The following CACHD1 variants were observed in gnomAD, a reference collection of about 807,000 sequenced individuals.
CACHD1 encodes VWFA and cache domain-containing protein 1.
In CACHD1, 71 loss-of-function variants were observed where a neutral mutation model predicts 138.7. The ratio of observed to expected loss-of-function variants is 0.51; its 90% CI spans 0.42 to 0.62. The LOEUF is 0.62. CACHD1 is among the 20% of genes least tolerant of loss of function. CACHD1 has a pLI of 0.00. For synonymous variants in CACHD1, 578 were observed against 591.5 expected (o/e 0.98, Z 0.33); for missense variants, 1,389 against 1,625.3 (o/e 0.85, Z 2.50).
chr1:64,491,947 T>G (rs1570301508), intron 1 of CACHD1, among the ~76,000 whole-genome samples: 1 of 125,608 alleles, frequency 8.0e-6, no homozygotes, highest in African/African-American at 3.1e-5. Flanking sequence ...TGTTTTTTGT[T>G]TTTTTTTTAT....
At chr1:64,653,022 A>G (rs1292762845) in intron 10 of CACHD1, among the ~76,000 whole-genome samples, 2 of 152,222 alleles carry the variant, frequency 1.3e-5, no homozygotes, top group African/African-American at 4.8e-5. Context: ...GACTGGATAA[A>G]GAAAATGTGG....
chr1:64,511,624 A>G (rs1172253722), intron 1 of CACHD1, among the ~76,000 whole-genome samples: 1 of 152,162 alleles, frequency 6.6e-6, no homozygotes, highest in Admixed American at 6.5e-5. Flanking sequence ...CGCTACAATG[A>G]TGGGGAGTGT....
At chr1:64,567,522 A>G (rs1188720623) in intron 2 of CACHD1, among the ~76,000 whole-genome samples, 1 of 152,026 alleles carries the variant, frequency 6.6e-6, no homozygotes, top group African/African-American at 2.4e-5. Context: ...TTGTGCCACA[A>G]CCCTCTGATA....
chr1:64,565,096 C>T (rs1646871199), intron 2 of CACHD1, among the ~76,000 whole-genome samples: 1 of 149,972 alleles, frequency 6.7e-6, no homozygotes, highest in African/African-American at 2.5e-5. Flanking sequence ...CCTGAGGGCT[C>T]TCATTTTGTT....
At chr1:64,532,040 A>G (rs1646591413) in intron 1 of CACHD1, among the ~76,000 whole-genome samples, 2 of 152,216 alleles carry the variant, frequency 1.3e-5, no homozygotes, top group Admixed American at 6.5e-5. Context: ...AATGATTGCA[A>G]TGCCTTTTGT....
intron 8 of CACHD1, among the ~76,000 whole-genome samples, chr1:64,643,840 TG>T (rs1036672224): frequency 6.6e-6 from 1 of 152,090 alleles, no homozygotes; most frequent in African/African-American, 2.4e-5. Context: ...TCCAAAAGAA[TG>T]GTCCTCAAAG....
At chr1:64,477,605 T>G (rs1646181507) in intron 1 of CACHD1, among the ~76,000 whole-genome samples, 1 of 145,664 alleles carries the variant, frequency 6.9e-6, no homozygotes, top group South Asian at 2.1e-4. Flanking sequence ...TTATTATTAT[T>G]ATTATTATTA....
chr1:64,633,405 G>T (rs371813933), intron 6 of CACHD1, among the ~76,000 whole-genome samples: 1 of 152,148 alleles, frequency 6.6e-6, no homozygotes. Flanking sequence ...CTCATGGTAA[G>T]GTTTCTAATT....
chr1:64,549,672 A>G (rs1646743901), intron 1 of CACHD1, among the ~76,000 whole-genome samples: 1 of 152,176 alleles, frequency 6.6e-6, no homozygotes, highest in South Asian at 2.1e-4. Flanking sequence ...AACCCTTGGC[A>G]GCAGGATGGA....
chr1:64,514,793 T>C (rs1398202560), intron 1 of CACHD1, among the ~76,000 whole-genome samples: 2 of 152,226 alleles, frequency 1.3e-5, no homozygotes, highest in Non-Finnish European at 2.9e-5. Flanking sequence ...AGATATGTAT[T>C]AATTCTTATA....
At chr1:64,681,108 A>T (rs1317173983) in intron 24 of CACHD1, 150 bp from the exon 25 acceptor site, 1 of 476,120 alleles carries the variant, frequency 2.1e-6, no homozygotes, top group African/African-American at 2.0e-5. Flanking sequence ...TTAAAAAAAC[A>T]TGGGGCATCA....
Position 64,511,465 on chromosome 1 carries a change from G to A in CACHD1, c.199-39129G>A, listed in dbSNP as rs375569876. 2.7e-4 allele frequency among the ~76,000 whole-genome samples: 41 copies of A among 152,262 alleles called. No individual in the cohort carries two copies. The South Asian group carries it at 8.3e-3, about 31-fold the overall frequency. On this transcript the variant is annotated intron_variant, in intron 1 of 26. Transcript: ENST00000651257. ...GCCTAGGAAAATAAACAACCATCAGGTTCCAGAGAGAGGTTATTAGAAATC... is the reference window on the plus strand; with the variant it reads ...GCCTAGGAAAATAAACAACCATCAGATTCCAGAGAGAGGTTATTAGAAATC...
At chr1:64,598,058 G>A (rs1647171946) in intron 3 of CACHD1, among the ~76,000 whole-genome samples, 1 of 152,164 alleles carries the variant, frequency 6.6e-6, no homozygotes, top group South Asian at 2.1e-4. Context: ...ACCAGAGGTA[G>A]CTAAAGTAAC....
chr1:64,672,893 C>T (rs909782483), intron 17 of CACHD1, among the ~76,000 whole-genome samples: 1 of 152,050 alleles, frequency 6.6e-6, no homozygotes, highest in African/African-American at 2.4e-5. Context: ...ACTGGGTGAG[C>T]GCATTCTGTA....
chr1:64,477,451 T>C (rs1284295306), intron 1 of CACHD1, among the ~76,000 whole-genome samples: 1 of 152,076 alleles, frequency 6.6e-6, no homozygotes, highest in African/African-American at 2.4e-5. Flanking sequence ...ACTACAAAGA[T>C]TTAAAAACAT....
At chr1:64,485,842 A>T (rs1646238789) in intron 1 of CACHD1, among the ~76,000 whole-genome samples, 1 of 152,182 alleles carries the variant, frequency 6.6e-6, no homozygotes, top group South Asian at 2.1e-4. Flanking sequence ...TCAGGGTTTA[A>T]TAGTAGTTTT....
chr1:64,503,036 C>G (rs933538838), intron 1 of CACHD1, among the ~76,000 whole-genome samples: 1 of 152,116 alleles, frequency 6.6e-6, no homozygotes, highest in South Asian at 2.1e-4. Flanking sequence ...CATTAATTTC[C>G]ATCTGATAGA....
At chr1:64,476,592 A>G (rs1206191124) in intron 1 of CACHD1, among the ~76,000 whole-genome samples, 1 of 152,240 alleles carries the variant, frequency 6.6e-6, no homozygotes, top group Admixed American at 6.5e-5. Context: ...TTAGAATAGA[A>G]GAAAACTGTC....
chr1:64,662,316 A>C (rs1345450642), intron 13 of CACHD1, among the ~76,000 whole-genome samples: 1 of 152,204 alleles, frequency 6.6e-6, no homozygotes, highest in African/African-American at 2.4e-5. Context: ...AACTTCAAGC[A>C]TTAGCCTTTG....
Sources: gnomAD v4.1 joint callset for allele counts (sites outside exome capture counted in the v4.1 genomes callset) on GRCh38, gnomAD v4.1.1 for gene constraint, MANE v1.5 for transcripts, NCBI Gene and HGNC (gene_info 2026-07-23, HGNC 2026-07-21) for gene names.